DCDC1: variants seen among roughly 807,000 people sequenced by gnomAD.
DCDC1 encodes doublecortin domain-containing protein 1.
In DCDC1, 200 loss-of-function variants were observed where a neutral mutation model predicts 178.3. That is an observed-to-expected ratio of 1.12 (90% confidence interval 1.00 to 1.26). The LOEUF is 1.26. DCDC1 is among the 50% of genes most tolerant of loss of function. The probability of loss-of-function intolerance (pLI) is 0.00; values close to 1 mark genes in which losing one functional copy is unlikely to be tolerated. For missense variants in DCDC1, 1,983 were observed against 1,749.2 expected (o/e 1.13, Z -2.38); for synonymous variants, 690 against 604.8 (o/e 1.14, Z -2.07).
In DCDC1 at chr11:30,951,699, T is replaced by G. The variant is rs377088656; in HGVS notation, c.2715+746A>C. Among the ~76,000 whole-genome samples the G allele has an allele frequency of 1.9e-3, 283 of 152,284 alleles. 1 individual carries two copies. Among genetic ancestry groups the G allele is most frequent in the South Asian group, 0.011 (53 of 4,826 alleles). On this transcript the variant is annotated intron_variant, in intron 21 of 38. Transcript: ENST00000684477. Reference sequence around the variant, plus strand: ...TGTTATCTTTAAACTTTGATCATTTTAGGTATGCAAGCTAAAATGTTCAGA... The same window carrying G: ...TGTTATCTTTAAACTTTGATCATTTGAGGTATGCAAGCTAAAATGTTCAGA...
At chr11:31,369,419 A>G (rs1952155144) in intron 1 of DCDC1, among the ~76,000 whole-genome samples, 3 of 152,230 alleles carry the variant, frequency 2.0e-5, no homozygotes, top group Admixed American at 2.0e-4. Context: ...AACATTGTAA[A>G]GGAACTGTAG....
intron 12 of DCDC1, among the ~76,000 whole-genome samples, chr11:31,107,817 AGCCTTCT>A (rs1255794162): frequency 6.6e-6 from 1 of 151,722 alleles, no homozygotes; most frequent in Admixed American, 6.6e-5. Flanking sequence ...CTCTTCCCCC[AGCCTTCT>A]GTCACGGGGT....
At chr11:31,255,016 T>G (rs2137019306) in intron 8 of DCDC1, among the ~76,000 whole-genome samples, 1 of 152,316 alleles carries the variant, frequency 6.6e-6, no homozygotes, top group East Asian at 1.9e-4. Flanking sequence ...GCTCTGGATG[T>G]TTCAAATAAA....
At chr11:31,205,255 G>A (rs1346207821) in intron 9 of DCDC1, among the ~76,000 whole-genome samples, 1 of 152,166 alleles carries the variant, frequency 6.6e-6, no homozygotes, top group Non-Finnish European at 1.5e-5. Context: ...ATAGGTCCTT[G>A]TATGGTACAA....
intron 1 of DCDC1, among the ~76,000 whole-genome samples, chr11:31,361,424 T>G (rs761579553): frequency 5.3e-5 from 8 of 152,172 alleles, no homozygotes; most frequent in African/African-American, 7.2e-5. Context: ...AATACCTATC[T>G]TTAGAGAGAC....
chr11:30,916,796 A>AAATATAT, intron 26 of DCDC1, 74 bp downstream of exon 26: 1 of 1,441,294 alleles, frequency 6.9e-7, no homozygotes, highest in Admixed American at 2.6e-5. Context: ...AACTCTTGGG[A>AAATATAT]ATATATGTGT....
At chr11:31,102,506 G>T (rs2135739490) in intron 14 of DCDC1, among the ~76,000 whole-genome samples, 1 of 152,228 alleles carries the variant, frequency 6.6e-6, no homozygotes, top group Middle Eastern at 3.4e-3. Flanking sequence ...TTTAGCAATA[G>T]GTTGTCACTG....
chr11:31,306,825 T>C (rs1440149556), intron 4 of DCDC1, among the ~76,000 whole-genome samples: 1 of 152,022 alleles, frequency 6.6e-6, no homozygotes, highest in Non-Finnish European at 1.5e-5. Flanking sequence ...TCAAAGTTCT[T>C]TAACTTTTTT....
At chr11:30,939,311 G>C (rs986811692) in intron 21 of DCDC1, among the ~76,000 whole-genome samples, 1 of 152,126 alleles carries the variant, frequency 6.6e-6, no homozygotes, top group Non-Finnish European at 1.5e-5. Context: ...CTCCCCTCTT[G>C]GCTGGAGTCC....
intron 11 of DCDC1, among the ~76,000 whole-genome samples, chr11:31,113,424 T>C (rs1315441220): frequency 6.6e-6 from 1 of 151,770 alleles, no homozygotes; most frequent in African/African-American, 2.4e-5. Context: ...TATCTCTTAA[T>C]GCTATACCTC....
At chr11:31,287,370 A>T (rs1224222342) in intron 7 of DCDC1, among the ~76,000 whole-genome samples, 1 of 152,044 alleles carries the variant, frequency 6.6e-6, no homozygotes, top group Non-Finnish European at 1.5e-5. Context: ...AAGATCCAAC[A>T]TATAAAAGTA....
At chr11:30,887,208 T>G (rs1404535505) in intron 36 of DCDC1, among the ~76,000 whole-genome samples, 1 of 152,210 alleles carries the variant, frequency 6.6e-6, no homozygotes, top group Non-Finnish European at 1.5e-5. Context: ...GAAGAACGAC[T>G]TGTATTCATG....
chr11:31,206,538 G>A (rs779726293), intron 9 of DCDC1, among the ~76,000 whole-genome samples: 12 of 152,004 alleles, frequency 7.9e-5, no homozygotes, highest in Non-Finnish European at 1.3e-4. Context: ...CTCAGCCTCC[G>A]GAGTAGCTGG....
intron 7 of DCDC1, among the ~76,000 whole-genome samples, chr11:31,271,808 C>T (rs1335286880): frequency 2.0e-5 from 3 of 152,124 alleles, no homozygotes; most frequent in Admixed American, 6.5e-5. Context: ...CAAGTCACAT[C>T]TTACATGGAT....
chr11:30,903,512 T>C lies in DCDC1; in HGVS notation c.4480A>G (p.Lys1494Glu). 1 of 1,601,636 alleles carries C rather than the reference T, an allele frequency of 6.2e-7. No individual in the cohort carries two copies. ...KQKQDAAPVG[K>E]EQIIVESMEE... ...ATACTTTCAACAATTATCTGTTCTT[T>C]TCCAACAGGAGCTGCATCTTGCTTT... The change falls in exon 32 of 39, where the codon AAA (lysine) becomes GAA (glutamate). Residue 1494 changes from lysine (K) to glutamate (E), a missense_variant. Coordinates refer to ENST00000684477, the MANE Select transcript of DCDC1 (RefSeq NM_001387274.1).
intron 9 of DCDC1, among the ~76,000 whole-genome samples, chr11:31,214,154 T>C (rs890108743): frequency 6.6e-6 from 1 of 152,186 alleles, no homozygotes; most frequent in Non-Finnish European, 1.5e-5. Context: ...GGTGACCACA[T>C]GGGGCCTTGA....
At chr11:31,218,944 C>G (rs1393988822) in intron 9 of DCDC1, among the ~76,000 whole-genome samples, 1 of 152,044 alleles carries the variant, frequency 6.6e-6, no homozygotes. Context: ...TGAGGTGCTG[C>G]TTTAAAGTAA....
chr11:31,133,165 T>G (rs970630345), intron 10 of DCDC1, among the ~76,000 whole-genome samples: 4 of 152,238 alleles, frequency 2.6e-5, no homozygotes, highest in Middle Eastern at 3.2e-3. Flanking sequence ...TATTAATGAC[T>G]CTTTGTGGAG....
intron 20 of DCDC1, among the ~76,000 whole-genome samples, chr11:31,018,905 A>C (rs892803896): frequency 6.6e-6 from 1 of 152,174 alleles, no homozygotes. Context: ...ACTGCAACCA[A>C]GAAAGGCCAT....
Sources: gnomAD v4.1 joint callset for allele counts (sites outside exome capture counted in the v4.1 genomes callset) on GRCh38, gnomAD v4.1.1 for gene constraint, MANE v1.5 for transcripts, NCBI Gene and HGNC (gene_info 2026-07-23, HGNC 2026-07-21) for gene names.